The following MBNL2 variants were observed in gnomAD, a reference collection of about 807,000 sequenced individuals.
The protein encoded by MBNL2 is muscleblind-like protein 2.
A neutral mutation model predicts 41.9 loss-of-function variants in MBNL2; 17 were observed. The ratio of observed to expected loss-of-function variants is 0.41; its 90% CI spans 0.28 to 0.61. MBNL2 has a LOEUF of 0.61. Ranked by LOEUF, MBNL2 falls within the 20% of genes least tolerant of loss-of-function variation. The pLI is 0.35. For synonymous variants in MBNL2, 195 were observed against 182.9 expected, an observed-to-expected ratio of 1.07 and a Z score of -0.53; for missense variants, 336 against 505.6, an observed-to-expected ratio of 0.66 and a Z score of 3.22.
chr13:97,186,585 A>G, the MBNL2 span, among the ~76,000 whole-genome samples: 1 of 152,230 alleles, frequency 6.6e-6, no homozygotes, highest in Non-Finnish European at 1.5e-5. Flanking sequence ...TGATCAATTA[A>G]TAAAGCAGGT....
At chr13:97,223,605 T>C (rs2041135175) in intron 1 of MBNL2, among the ~76,000 whole-genome samples, 1 of 152,264 alleles carries the variant, frequency 6.6e-6, no homozygotes. Flanking sequence ...GAAACATTAC[T>C]GTCCCTTTAA....
chr13:97,201,327 T>G, the MBNL2 span, among the ~76,000 whole-genome samples: 3 of 152,236 alleles, frequency 2.0e-5, no homozygotes, highest in Non-Finnish European at 4.4e-5. Context: ...AAAGTATGAT[T>G]ATACTTATAA....
intron 1 of MBNL2, among the ~76,000 whole-genome samples, chr13:97,251,639 A>G (rs1314489236): frequency 6.6e-6 from 1 of 152,180 alleles, no homozygotes; most frequent in African/African-American, 2.4e-5. Context: ...TATGTCTATT[A>G]TCCATGAAAG....
intron 1 of MBNL2, among the ~76,000 whole-genome samples, chr13:97,222,934 A>C (rs2041032295): frequency 6.6e-6 from 1 of 152,196 alleles, no homozygotes; most frequent in Non-Finnish European, 1.5e-5. Context: ...ATTAAAAAAA[A>C]ATTCATGGTA....
chr13:97,299,592 C>G (rs2057405013), intron 2 of MBNL2, among the ~76,000 whole-genome samples: 1 of 152,004 alleles, frequency 6.6e-6, no homozygotes. Flanking sequence ...GTTACATGAA[C>G]TATGATTCAT....
At chr13:97,279,916 AT>A (rs1233669303) in intron 2 of MBNL2, among the ~76,000 whole-genome samples, 1 of 152,208 alleles carries the variant, frequency 6.6e-6, no homozygotes, top group Non-Finnish European at 1.5e-5. Flanking sequence ...AAATTTGTGC[AT>A]TATTCACATA....
intron 2 of MBNL2, among the ~76,000 whole-genome samples, chr13:97,326,310 C>G (rs1390739218): frequency 6.6e-6 from 1 of 152,260 alleles, no homozygotes; most frequent in Middle Eastern, 3.4e-3. Flanking sequence ...ATTTATCCAC[C>G]AGGCTACACT....
At chr13:97,318,495 A>G (rs2059240205) in intron 2 of MBNL2, among the ~76,000 whole-genome samples, 1 of 152,226 alleles carries the variant, frequency 6.6e-6, no homozygotes, top group Non-Finnish European at 1.5e-5. Flanking sequence ...CACGGTGTCT[A>G]GCATGCATCT....
chr13:97,348,698 C>A (rs1258136494), intron 5 of MBNL2, among the ~76,000 whole-genome samples: 1 of 152,078 alleles, frequency 6.6e-6, no homozygotes, highest in Non-Finnish European at 1.5e-5. Flanking sequence ...GACTCAGTGG[C>A]CAGTCCTCCC....
At chr13:97,253,893 C>G (rs943583223) in intron 1 of MBNL2, among the ~76,000 whole-genome samples, 3 of 151,434 alleles carry the variant, frequency 2.0e-5, no homozygotes, top group Admixed American at 2.0e-4. Flanking sequence ...ATTTTCAATA[C>G]AATTTTTATT....
chr13:97,255,293 T>C (rs1193557701), intron 1 of MBNL2, among the ~76,000 whole-genome samples: 1 of 152,350 alleles, frequency 6.6e-6, no homozygotes, highest in East Asian at 1.9e-4. Context: ...CTATTGTATA[T>C]CTTTGCTCTA....
chr13:97,314,149 T>G (rs183324446), intron 2 of MBNL2, among the ~76,000 whole-genome samples: 13 of 152,194 alleles, frequency 8.5e-5, no homozygotes, highest in Admixed American at 7.8e-4. Context: ...CCTCACTCAC[T>G]CTGCTCTAGC....
At chr13:97,244,478 A>G (rs1047607989) in intron 1 of MBNL2, among the ~76,000 whole-genome samples, 1 of 152,270 alleles carries the variant, frequency 6.6e-6, no homozygotes, top group African/African-American at 2.4e-5. Flanking sequence ...AAGTCAACTT[A>G]TAGTCAGTAT....
At chr13:97,206,288 T>G in the MBNL2 span, among the ~76,000 whole-genome samples, 2 of 152,162 alleles carry the variant, frequency 1.3e-5, no homozygotes, top group Non-Finnish European at 2.9e-5. Context: ...TTTCAATCTT[T>G]GTTCACTGCA....
At chr13:97,216,551 C>T (rs190302257), upstream of MBNL2, among the ~76,000 whole-genome samples, 272 of 152,298 alleles carry the variant, frequency 1.8e-3, 2 homozygotes, top group Non-Finnish European at 2.2e-3. Context: ...CTCTCTCTTG[C>T]TATGAACAAC....
chr13:97,242,485 A>C (rs2044491977), intron 1 of MBNL2, among the ~76,000 whole-genome samples: 1 of 152,208 alleles, frequency 6.6e-6, no homozygotes, highest in Non-Finnish European at 1.5e-5. Flanking sequence ...TAGAGGCATC[A>C]ACAATCCTGT....
At chr13:97,248,613 C>T (rs1262211242) in intron 1 of MBNL2, among the ~76,000 whole-genome samples, 2 of 152,090 alleles carry the variant, frequency 1.3e-5, no homozygotes, top group African/African-American at 2.4e-5. Context: ...AAAGCCCTAG[C>T]GTAATATCTC....
At chr13:97,190,091 G>T in the MBNL2 span, among the ~76,000 whole-genome samples, 11 of 152,320 alleles carry the variant, frequency 7.2e-5, no homozygotes, top group Non-Finnish European at 1.5e-4. Context: ...GTGGACCCCT[G>T]GCTTAGTTTC....
chr13:97,163,397 C>G, the MBNL2 span, among the ~76,000 whole-genome samples: 1 of 152,066 alleles, frequency 6.6e-6, no homozygotes, highest in South Asian at 2.1e-4. Context: ...CACCACCTAA[C>G]TGGGATGGGA....
Sources: allele counts gnomAD v4.1 joint callset (sites outside exome capture counted in the v4.1 genomes callset), GRCh38; gene constraint gnomAD v4.1.1; transcripts MANE v1.5; gene names NCBI Gene and HGNC (gene_info 2026-07-23, HGNC 2026-07-21).